The following NPHP4 variants were observed in gnomAD, a reference collection of about 807,000 sequenced individuals.
NPHP4 encodes the protein nephrocystin 4, also known as nephrocystin-4.
In NPHP4, 151 loss-of-function variants were observed where a neutral mutation model predicts 155.8. That is an observed-to-expected ratio of 0.97 (90% confidence interval 0.85 to 1.11). NPHP4 has a LOEUF of 1.11. NPHP4 is among the 50% of genes least tolerant of loss of function. The probability of loss-of-function intolerance (pLI) is 0.00; values close to 1 mark genes in which losing one functional copy is unlikely to be tolerated. For missense variants in NPHP4, 1,956 were observed against 1,925.7 expected (o/e 1.02, Z -0.29); for synonymous variants, 845 against 816.8 (o/e 1.03, Z -0.59).
chr1:5,947,176 G>T lies in NPHP4; in HGVS notation c.1047C>A (p.Val349=). Residue 349 remains valine (V), a synonymous_variant, in exon 9 of 30, where the codon GTC becomes GTA. Transcript: ENST00000378156. ...AGATGACCGCAAATGCAGGGTGGCC[G>T]ACCATCTCTGGGAGGCGGAGGCGGC... is the stretch of plus-strand genomic sequence containing the variant. ...LRSRLRLPEM[V]GHPAFAVIFQ... 6.2e-7 allele frequency: 1 copy of T among 1,613,874 alleles called. No individual in the cohort carries two copies. Among genetic ancestry groups the T allele is most frequent in the South Asian group, 1.1e-5 (1 of 91,048 alleles).
At position 5,905,453 on chromosome 1, in the gene NPHP4, C is replaced by G. The variant is rs558466959; in HGVS notation, c.1794G>C (p.Met598Ile). Reference protein sequence around the residue: ...SSAGQPSRASMVLLQSSGFPE... With the variant: ...SSAGQPSRASIVLLQSSGFPE... ...GAAAGCCGGAGGACTGCAGGAGCACCATGGAGGCTCTCGAGGGCTGCCCTG... is the reference window on the plus strand; with the variant it reads ...GAAAGCCGGAGGACTGCAGGAGCACGATGGAGGCTCTCGAGGGCTGCCCTG... The change falls in exon 15 of 30, where the codon ATG (methionine) becomes ATC (isoleucine). Residue 598 changes from methionine (M) to isoleucine (I), a missense_variant. Physicochemically the swap from Met to Ile is conservative, Grantham distance 10. Coordinates refer to ENST00000378156, the MANE Select transcript of NPHP4 (RefSeq NM_015102.5). The surrounding 1 kb of genome is among the most constrained non-coding windows in gnomAD (Gnocchi z 4.0). The G allele has an allele frequency of 6.2e-7, 1 of 1,607,650 alleles. No homozygotes were observed. The highest frequency in any genetic ancestry group is 1.3e-5 in the African/African-American group (1 of 74,884).
At chr1:5,977,395 AG>A in intron 3 of NPHP4, among the ~76,000 whole-genome samples, 1 of 152,012 alleles carries the variant, frequency 6.6e-6, no homozygotes, top group East Asian at 1.9e-4. Context: ...TGTAAGTCCC[AG>A]CTTAATCAGC....
intron 18 of NPHP4, among the ~76,000 whole-genome samples, chr1:5,883,052 G>A (rs568287033): frequency 3.9e-5 from 6 of 152,084 alleles, no homozygotes; most frequent in Non-Finnish European, 5.9e-5. Context: ...TCTTATCAAC[G>A]CTTTCATCAC....
intron 16 of NPHP4, among the ~76,000 whole-genome samples, chr1:5,899,509 G>C (rs80257238): frequency 2.0e-5 from 3 of 152,344 alleles, no homozygotes; most frequent in African/African-American, 7.2e-5. Flanking sequence ...GAAGGACTGC[G>C]GTGAGGGAGG....
At chr1:5,865,982 T>C (rs1334591112) in intron 26 of NPHP4, 1 of 235,756 alleles carries the variant, frequency 4.2e-6, no homozygotes, top group Non-Finnish European at 8.4e-6. Context: ...GAGAGAGGGA[T>C]GGGCATTTCC....
chr1:5,951,181 C>T (rs1004067833), intron 7 of NPHP4, among the ~76,000 whole-genome samples: 2 of 152,326 alleles, frequency 1.3e-5, no homozygotes, highest in East Asian at 1.9e-4. Context: ...AGGAGACCCG[C>T]GAGGCTCTGA....
At chr1:5,900,586 G>A (rs750362077) in intron 16 of NPHP4, among the ~76,000 whole-genome samples, 2 of 152,092 alleles carry the variant, frequency 1.3e-5, no homozygotes, top group Admixed American at 6.5e-5. Context: ...GGAGGTGTAG[G>A]GCCATGAAGC....
At chr1:5,909,289 C>A (rs993044606) in intron 11 of NPHP4, 76 bp from the exon 12 acceptor site, 4 of 1,183,348 alleles carry the variant, frequency 3.4e-6, no homozygotes, top group East Asian at 5.1e-5. Context: ...TGAACCCCCA[C>A]GCAGTCAGGT....
At chr1:5,956,065 G>GT (rs959530362) in intron 6 of NPHP4, among the ~76,000 whole-genome samples, 1 of 150,266 alleles carries the variant, frequency 6.7e-6, no homozygotes, top group African/African-American at 2.5e-5. Context: ...AAGCTGGGGG[G>GT]GGGGGGTGCA....
intron 16 of NPHP4, among the ~76,000 whole-genome samples, chr1:5,903,087 G>C (rs1333808307): frequency 1.3e-5 from 2 of 152,180 alleles, no homozygotes; most frequent in Non-Finnish European, 2.9e-5. Flanking sequence ...CTCTAAACGG[G>C]ATGTACAGGT....
chr1:5,967,259 G>A (rs568405382), intron 5 of NPHP4, 40 bp downstream of exon 5: 10 of 1,520,834 alleles, frequency 6.6e-6, no homozygotes, highest in South Asian at 3.5e-5. Flanking sequence ...GGGAAGGCAC[G>A]AGAGCAGTGA....
At chr1:5,941,289 CA>C (rs66676950) in intron 9 of NPHP4, among the ~76,000 whole-genome samples, 15,198 of 44,716 alleles carry the variant, frequency 0.34, 205 homozygotes, top group Non-Finnish European at 0.36. Context: ...GAGATCTAGA[CA>C]AAAAAAAAAA....
At chr1:5,967,440 C>T in intron 4 of NPHP4, 77 bp from the exon 5 acceptor site, 8 of 1,095,724 alleles carry the variant, frequency 7.3e-6, no homozygotes, top group Non-Finnish European at 1.1e-5. Flanking sequence ...AGGCCTCAGC[C>T]ACCACCACGC....
chr1:5,915,161 C>T (rs1303662115), intron 11 of NPHP4, among the ~76,000 whole-genome samples: 2 of 152,192 alleles, frequency 1.3e-5, no homozygotes, highest in African/African-American at 4.8e-5. Flanking sequence ...GAGGCTGTTG[C>T]TTAGCAACTC....
In NPHP4 at chr1:5,986,152, TA is replaced by T; in HGVS notation, c.135+2del. 6.2e-7 allele frequency: 1 copy of T among 1,613,842 alleles called. No individual in the cohort carries two copies. Among genetic ancestry groups the T allele is most frequent in the Non-Finnish European group, 8.5e-7 (1 of 1,179,830 alleles). On this transcript the variant is annotated splice_donor_variant, in intron 2 of 29. Transcript: ENST00000378156. LOFTEE classifies it high-confidence loss of function. ...CGCATTTGCTAACAGCACATTTTGT[TA>T]CCTGCCTAATTACCGGTCCGTCCAG...
chr1:5,905,101 T>A lies in NPHP4; in HGVS notation c.1955+191A>T, dbSNP rs1557698297. On this transcript the variant is annotated intron_variant, in intron 15 of 29. Coordinates refer to ENST00000378156, the MANE Select transcript of NPHP4 (RefSeq NM_015102.5). This position sits in a 1 kb window ranked among gnomAD's most constrained non-coding sequence, Gnocchi z 4.0. ...TAATGAAGGACCACAAAAGATGGGG[T>A]AAAGCAGCTTTCACAGCATTTAGCA... Among the ~76,000 whole-genome samples the A allele has an allele frequency of 6.6e-6, 1 of 152,144 alleles. No homozygotes were observed. The highest frequency in any genetic ancestry group is 1.5e-5 in the Non-Finnish European group (1 of 68,028).
chr1:5,874,339 G>C (rs1642325502), intron 22 of NPHP4, 132 bp downstream of exon 22: 1 of 849,198 alleles, frequency 1.2e-6, no homozygotes, highest in Admixed American at 3.2e-5. Flanking sequence ...AGCACCAAGG[G>C]GAGTGGGCGG....
rs1174619924 is a variant in NPHP4, at chr1:5,905,250, A to T, written c.1955+42T>A. The T allele has an allele frequency of 6.6e-7, 1 of 1,511,138 alleles. No homozygotes were observed. The highest frequency in any genetic ancestry group is 9.2e-7 in the Non-Finnish European group (1 of 1,086,166). 93.6% of individuals were successfully genotyped at this position (1,511,138 alleles called of 1,614,324 possible). The stretch of plus-strand genomic sequence containing the variant: ...AGCGAAGTTTCTCTTCAACACAGGA[A>T]ATGTGAAAGCCAGATGAGTAACAGA... On this transcript the variant is annotated intron_variant, in intron 15 of 29. Coordinates refer to ENST00000378156, the MANE Select transcript of NPHP4 (RefSeq NM_015102.5). This position sits in a 1 kb window ranked among gnomAD's most constrained non-coding sequence, Gnocchi z 4.0.
chr1:5,946,453 T>C (rs1647102395), intron 9 of NPHP4, among the ~76,000 whole-genome samples: 1 of 152,214 alleles, frequency 6.6e-6, no homozygotes, highest in Non-Finnish European at 1.5e-5. Context: ...GCCTCATTTT[T>C]CAAAATAATT....
Sources: allele counts gnomAD v4.1 joint callset (sites outside exome capture counted in the v4.1 genomes callset), GRCh38; gene constraint gnomAD v4.1.1; non-coding constraint Gnocchi (gnomAD v3.1); transcripts MANE v1.5; gene names NCBI Gene and HGNC (gene_info 2026-07-23, HGNC 2026-07-21).